MACROD2: variants seen among roughly 807,000 people sequenced by gnomAD.
MACROD2 encodes ADP-ribose glycohydrolase MACROD2.
Under a neutral mutation model 70.4 loss-of-function variants are expected in MACROD2, and 36 were observed. That is an observed-to-expected ratio of 0.51 (90% CI 0.39 to 0.68). The LOEUF is 0.68. Ranked by LOEUF, MACROD2 falls within the 30% of genes least tolerant of loss-of-function variation. The probability of loss-of-function intolerance (pLI) is 0.00; values close to 1 mark genes in which losing one functional copy is unlikely to be tolerated. For synonymous variants in MACROD2, 172 were observed against 178.8 expected, an observed-to-expected ratio of 0.96 and a Z score of 0.30; for missense variants, 496 against 538.4, an observed-to-expected ratio of 0.92 and a Z score of 0.78.
chr20:15,006,185 G>A (rs866521783), intron 5 of MACROD2, among the ~76,000 whole-genome samples: 36 of 147,990 alleles, frequency 2.4e-4, no homozygotes, highest in African/African-American at 7.4e-4. Flanking sequence ...GTGTGTGTAC[G>A]TTGGAATATT....
chr20:14,548,433 A>G (rs1238420737), intron 4 of MACROD2, among the ~76,000 whole-genome samples: 1 of 72,854 alleles, frequency 1.4e-5, no homozygotes, highest in African/African-American at 3.8e-5. Context: ...AAAATACATT[A>G]TCTGGCCGGG....
chr20:14,719,109 GT>G (rs2071432424), intron 5 of MACROD2, among the ~76,000 whole-genome samples: 1 of 152,062 alleles, frequency 6.6e-6, no homozygotes, highest in African/African-American at 2.4e-5. Flanking sequence ...GTGTGCACCT[GT>G]AGTCCCAGCT....
intron 8 of MACROD2, among the ~76,000 whole-genome samples, chr20:15,820,144 C>A (rs966033604): frequency 6.6e-6 from 1 of 152,060 alleles, no homozygotes; most frequent in Admixed American, 6.5e-5. Context: ...CAGTTAAAGT[C>A]TTTCCATTAG....
chr20:15,044,269 AG>A (rs2075376532), intron 5 of MACROD2, among the ~76,000 whole-genome samples: 1 of 152,154 alleles, frequency 6.6e-6, no homozygotes, highest in Non-Finnish European at 1.5e-5. Context: ...GAATAACCAA[AG>A]AGGTTCTTCT....
intron 5 of MACROD2, among the ~76,000 whole-genome samples, chr20:15,056,778 TG>T (rs1346705709): frequency 1.3e-5 from 2 of 152,214 alleles, no homozygotes; most frequent in African/African-American, 4.8e-5. Flanking sequence ...GTGTAACTGA[TG>T]TAACAGCAAA....
chr20:15,403,068 G>A lies in MACROD2; in HGVS notation c.541-28337G>A, dbSNP rs561279448. Among the ~76,000 whole-genome samples, 401 of 152,114 alleles carry A rather than the reference G, an allele frequency of 2.6e-3. 1 individual carries two copies. The highest frequency in any genetic ancestry group is 4.1e-3 in the Non-Finnish European group (280 of 68,000). ...TGCAACCTCCACCTCCTGGGTTCAA[G>A]CGATTCTCCTGCCTTAGCCTCCCAA... On this transcript the variant is annotated intron_variant, in intron 6 of 17. Transcript: ENST00000684519.
intron 8 of MACROD2, among the ~76,000 whole-genome samples, chr20:15,554,546 C>CA (rs201068996): frequency 0.14 from 12,194 of 89,592 alleles, 533 homozygotes; most frequent in East Asian, 0.27. Flanking sequence ...CCTATTTGGC[C>CA]AAAAAAAAAA....
intron 5 of MACROD2, among the ~76,000 whole-genome samples, chr20:15,172,746 A>G (rs1445673763): frequency 6.6e-6 from 1 of 152,202 alleles, no homozygotes; most frequent in African/African-American, 2.4e-5. Flanking sequence ...CTCTTGAAAA[A>G]GATCTGAACA....
intron 2 of MACROD2, among the ~76,000 whole-genome samples, chr20:14,060,874 G>A (rs1448899463): frequency 6.6e-6 from 1 of 152,048 alleles, no homozygotes; most frequent in African/African-American, 2.4e-5. Flanking sequence ...TTGTTTAATT[G>A]ATTCTAATAT....
Position 15,861,118 on chromosome 20 carries a change from A to G in MACROD2, c.646-1627A>G, listed in dbSNP as rs1488103764. The stretch of plus-strand genomic sequence containing the variant: ...GAATCCAGGATGCTTAAGCCACCTC[A>G]GTCTAACAGCCTCCCAATTAATTAT... On this transcript the variant is annotated intron_variant, in intron 8 of 17. Coordinates refer to ENST00000684519, the MANE Select transcript of MACROD2 (RefSeq NM_001351661.2). Among the ~76,000 whole-genome samples, 6 of 152,042 alleles carry G rather than the reference A, an allele frequency of 3.9e-5. 1 individual carries two copies. The highest frequency in any genetic ancestry group is 1.4e-4 in the African/African-American group (6 of 41,382).
intron 6 of MACROD2, among the ~76,000 whole-genome samples, chr20:15,262,136 G>T (rs187682163): frequency 6.6e-6 from 1 of 151,802 alleles, no homozygotes; most frequent in East Asian, 1.9e-4. Flanking sequence ...TCAAATACTA[G>T]ATCTTATTTC....
intron 3 of MACROD2, among the ~76,000 whole-genome samples, chr20:14,481,750 C>G (rs942755520): frequency 6.6e-6 from 1 of 152,114 alleles, no homozygotes; most frequent in Non-Finnish European, 1.5e-5. Flanking sequence ...ACTTACCAGC[C>G]CATGACCTTG....
intron 3 of MACROD2, among the ~76,000 whole-genome samples, chr20:14,126,024 G>A (rs997271878): frequency 2.0e-5 from 3 of 152,176 alleles, no homozygotes; most frequent in African/African-American, 7.2e-5. Context: ...AGGGTGTCAG[G>A]ATTGTAGAAG....
intron 8 of MACROD2, among the ~76,000 whole-genome samples, chr20:15,686,689 A>G (rs1182527817): frequency 6.6e-6 from 1 of 152,142 alleles, no homozygotes; most frequent in African/African-American, 2.4e-5. Context: ...CCTGGCCAAC[A>G]TGGTAAAACC....
intron 5 of MACROD2, among the ~76,000 whole-genome samples, chr20:14,938,101 T>C (rs1416089538): frequency 6.6e-6 from 1 of 151,838 alleles, no homozygotes; most frequent in Non-Finnish European, 1.5e-5. Flanking sequence ...CATTGATGGA[T>C]ACTTTGGTTG....
intron 8 of MACROD2, among the ~76,000 whole-genome samples, chr20:15,596,318 G>A (rs545114191): frequency 1.7e-4 from 26 of 151,324 alleles, no homozygotes; most frequent in Admixed American, 5.9e-4. Context: ...TTCTTATGGT[G>A]GGTGTTGTAA....
At chr20:14,019,334 C>G (rs750382782) in intron 2 of MACROD2, among the ~76,000 whole-genome samples, 4 of 152,146 alleles carry the variant, frequency 2.6e-5, no homozygotes, top group Non-Finnish European at 4.4e-5. Context: ...TGCCGTGGCG[C>G]AATCTTGGCT....
chr20:14,421,824 G>A (rs1028379321), intron 3 of MACROD2, among the ~76,000 whole-genome samples: 6 of 151,768 alleles, frequency 4.0e-5, no homozygotes, highest in African/African-American at 7.3e-5. Flanking sequence ...TAACATTATT[G>A]TCTGTTCTGT....
At chr20:15,100,303 A>G (rs2075862506) in intron 5 of MACROD2, among the ~76,000 whole-genome samples, 1 of 59,054 alleles carries the variant, frequency 1.7e-5, no homozygotes, top group Non-Finnish European at 3.1e-5. Context: ...TGCATTTTTG[A>G]CTTATGATAT....
Sources: gnomAD v4.1 joint callset for allele counts (sites outside exome capture counted in the v4.1 genomes callset) on GRCh38, gnomAD v4.1.1 for gene constraint, MANE v1.5 for transcripts, NCBI Gene and HGNC (gene_info 2026-07-23, HGNC 2026-07-21) for gene names.